The following NCSTN variants were observed in gnomAD, a reference collection of about 807,000 sequenced individuals.
The protein encoded by NCSTN is nicastrin.
NCSTN carries 22 observed loss-of-function variants against 87.0 expected under a neutral mutation model. The observed-to-expected ratio is 0.25, with a 90% confidence interval of 0.18 to 0.36. The LOEUF is 0.36. Ranked by LOEUF, NCSTN falls within the 10% of genes least tolerant of loss-of-function variation. The probability of loss-of-function intolerance (pLI) is 1.00; values close to 1 mark genes in which losing one functional copy is unlikely to be tolerated. For missense variants in NCSTN, 693 were observed against 883.3 expected, an observed-to-expected ratio of 0.78 and a Z score of 2.73; for synonymous variants, 306 against 327.1, an observed-to-expected ratio of 0.94 and a Z score of 0.69.
chr1:160,353,863 G>A (rs1002190249), intron 10 of NCSTN: 1 of 537,202 alleles, frequency 1.9e-6, no homozygotes. Context: ...CTTGAAGACA[G>A]TAGAATTTAC....
chr1:160,354,091 T>C, intron 10 of NCSTN, 27 bp from the exon 11 acceptor site: 1 of 1,609,558 alleles, frequency 6.2e-7, no homozygotes, highest in Non-Finnish European at 8.5e-7. Flanking sequence ...CAGCCTCCCA[T>C]CAGTTAATCT....
At chr1:160,344,496 C>T (rs1648334009) in intron 1 of NCSTN, 2 of 1,543,018 alleles carry the variant, frequency 1.3e-6, no homozygotes, top group South Asian at 2.4e-5. Flanking sequence ...AATGGCGCTA[C>T]ATGGACTTTG....
In NCSTN at chr1:160,352,755, T is replaced by C. The variant is rs1388713852; in HGVS notation, c.997-132T>C. ...CAAGAGAAGCCGAAAGTCACATGACTGTAAGCTGACTAGCAGTTGAGGTGA... is the reference window on the plus strand; with the variant it reads ...CAAGAGAAGCCGAAAGTCACATGACCGTAAGCTGACTAGCAGTTGAGGTGA... On this transcript the variant is annotated intron_variant, in intron 8 of 16. Coordinates refer to ENST00000294785, the MANE Select transcript of NCSTN (RefSeq NM_015331.3). 84 of 748,350 alleles carry C rather than the reference T, an allele frequency of 1.1e-4. No individual in the cohort carries two copies. The Admixed American group carries it at 1.2e-3, about 11-fold the overall frequency. The allele number at this position is 748,350 out of a possible 1,614,324, so 46.4% of individuals were successfully genotyped here. A position where few individuals can be genotyped will look rare whatever the true frequency, so the allele number is the denominator to read the frequency against.
At position 160,345,051 on chromosome 1, in the gene NCSTN, C is replaced by A. The variant is rs1177239851; in HGVS notation, c.190+225C>A. The stretch of plus-strand genomic sequence containing the variant: ...CATGTGCATCTCATACAACCCCAAC[C>A]ACAACCCCACAAAATAGGTCTTACT... On this transcript the variant is annotated intron_variant, in intron 2 of 16. Transcript: ENST00000294785. 13 of 603,804 alleles carry A rather than the reference C, an allele frequency of 2.2e-5. No individual in the cohort carries two copies. The East Asian group carries it at 3.6e-4, about 17-fold the overall frequency. 37.4% of individuals were successfully genotyped at this position (603,804 alleles called of 1,614,324 possible). A position where few individuals can be genotyped will look rare whatever the true frequency, so the allele number is the denominator to read the frequency against.
intron 8 of NCSTN, 87 bp downstream of exon 8, chr1:160,352,293 C>A (rs1376938572): frequency 1.3e-6 from 2 of 1,535,486 alleles, no homozygotes; most frequent in Non-Finnish European, 1.8e-6. Context: ...AAGACCTCAG[C>A]ACTTGACCTA....
rs747798872 is a variant in NCSTN, at chr1:160,344,759, T to C, written c.123T>C (p.Tyr41=). The C allele has an allele frequency of 6.2e-7, 1 of 1,614,066 alleles. No homozygotes were observed. The highest frequency in any genetic ancestry group is 1.3e-5 in the African/African-American group (1 of 74,936). The stretch of plus-strand genomic sequence containing the variant: ...GAAACTCAGTGGAGAGGAAGATATA[T>C]ATCCCCTTAAATAAAACAGCTCCCT... ...CRGNSVERKI[Y]IPLNKTAPCV... Residue 41 remains tyrosine (Y), a synonymous_variant, in exon 2 of 17, where the codon TAT becomes TAC. Coordinates refer to ENST00000294785, the MANE Select transcript of NCSTN (RefSeq NM_015331.3).
chr1:160,350,066 C>G, intron 4 of NCSTN, 39 bp from the exon 5 acceptor site: 1 of 1,608,072 alleles, frequency 6.2e-7, no homozygotes, highest in Non-Finnish European at 8.5e-7. Context: ...ACTTGGTGTC[C>G]CAGTAACCAG....
intron 1 of NCSTN, chr1:160,344,506 GTAA>G (rs1273589625): frequency 1.3e-6 from 2 of 1,546,338 alleles, no homozygotes; most frequent in Non-Finnish European, 1.7e-6. Context: ...CATGGACTTT[GTAA>G]TAACCCTTTG....
chr1:160,357,286 T>G (rs1455738645), intron 16 of NCSTN, 33 bp downstream of exon 16: 1 of 1,566,172 alleles, frequency 6.4e-7, no homozygotes, highest in African/African-American at 1.4e-5. Context: ...GTGGCAGGGA[T>G]CTGTTTGACT....
intron 2 of NCSTN, among the ~76,000 whole-genome samples, chr1:160,348,545 A>C (rs1034062600): frequency 1.3e-5 from 2 of 152,212 alleles, no homozygotes; most frequent in African/African-American, 4.8e-5. Flanking sequence ...GTCATTCCCA[A>C]AAAGGGCAAA....
intron 2 of NCSTN, among the ~76,000 whole-genome samples, chr1:160,347,162 C>T (rs188148377): frequency 6.6e-5 from 10 of 152,340 alleles, no homozygotes; most frequent in East Asian, 1.9e-4. Context: ...AGGGGGTAAG[C>T]GGGACTGTGG....
intron 5 of NCSTN, 74 bp from the exon 6 acceptor site, chr1:160,351,148 C>T (rs12240253): frequency 0.053 from 79,326 of 1,510,874 alleles, 2,240 homozygotes; most frequent in Middle Eastern, 0.057. Context: ...TGGAACTGGG[C>T]CCTCCTCCTT....
chr1:160,351,155 CCTT>C, intron 5 of NCSTN, 64 bp from the exon 6 acceptor site: 2 of 1,555,082 alleles, frequency 1.3e-6, no homozygotes, highest in African/African-American at 1.4e-5. Flanking sequence ...GGGCCCTCCT[CCTT>C]CTGGGATGTA....
Position 160,355,907 on chromosome 1 carries a change from G to A in NCSTN, c.1500G>A (p.Glu500=). 1 of 1,614,210 alleles carries A rather than the reference G, an allele frequency of 6.2e-7. No homozygotes were observed. The stretch of plus-strand genomic sequence containing the variant: ...CGGTGCTGGGACGTGCTCTGTATGA[G>A]CTTGCAGGAGGAACCAACTTCAGCG... The part of the protein sequence containing the change: ...VATVLGRALY[E]LAGGTNFSDT... Residue 500 remains glutamate (E), a synonymous_variant, in exon 13 of 17, where the codon GAG becomes GAA. Coordinates refer to ENST00000294785, the MANE Select transcript of NCSTN (RefSeq NM_015331.3).
At position 160,354,111 on chromosome 1, in the gene NCSTN, C is replaced by A. The variant is rs1557887682; in HGVS notation, c.1180-7C>A. 1.2e-6 allele frequency: 2 copies of A among 1,613,894 alleles called. No individual in the cohort carries two copies. The highest frequency in any genetic ancestry group is 1.1e-5 in the South Asian group (1 of 91,060). ...TCCCATCAGTTAATCTCCCTCGTAC[C>A]CCCCAGGTGGAGGATCTCCTGGCCA... is the stretch of plus-strand genomic sequence containing the variant. On this transcript the variant is annotated splice_region_variant and splice_polypyrimidine_tract_variant and intron_variant, in intron 10 of 16. Coordinates refer to ENST00000294785, the MANE Select transcript of NCSTN (RefSeq NM_015331.3).
intron 1 of NCSTN, 48 bp downstream of exon 1, chr1:160,343,529 G>A (rs1280678748): frequency 6.5e-7 from 1 of 1,531,438 alleles, no homozygotes; most frequent in South Asian, 1.2e-5. Flanking sequence ...GGAACTCTCG[G>A]ATCGGCCCCG....
rs2101891419 is a variant in NCSTN at position 160,345,726 on chromosome 1, G to C, written c.190+900G>C. Among the ~76,000 whole-genome samples, 4 of 151,548 alleles carry C rather than the reference G, an allele frequency of 2.6e-5. No individual in the cohort carries two copies. The Middle Eastern group carries it at 0.014, about 515-fold the overall frequency. On this transcript the variant is annotated intron_variant, in intron 2 of 16. Coordinates refer to ENST00000294785, the MANE Select transcript of NCSTN (RefSeq NM_015331.3). Reference sequence around the variant, plus strand: ...AAGGCGGGTGGATCACTTGAGGTCAGGAGTTTGAGACCAATCTGCCAGCAT... The same window carrying C: ...AAGGCGGGTGGATCACTTGAGGTCACGAGTTTGAGACCAATCTGCCAGCAT...
At chr1:160,343,964 T>G in intron 1 of NCSTN, 2 of 272,626 alleles carry the variant, frequency 7.3e-6, no homozygotes, top group South Asian at 3.2e-5. Flanking sequence ...GTTTTTTTTT[T>G]TTTTTTTTTT....
intron 4 of NCSTN, 56 bp downstream of exon 4, chr1:160,349,726 TC>T: frequency 1.2e-6 from 2 of 1,603,790 alleles, no homozygotes; most frequent in Non-Finnish European, 1.7e-6. Flanking sequence ...CACTGTTGCT[TC>T]GGTCTTACGT....
Sources: gnomAD v4.1 joint callset for allele counts (sites outside exome capture counted in the v4.1 genomes callset) on GRCh38, gnomAD v4.1.1 for gene constraint, MANE v1.5 for transcripts, NCBI Gene and HGNC (gene_info 2026-07-23, HGNC 2026-07-21) for gene names.